DLG3: variants seen among roughly 807,000 people sequenced by gnomAD.
DLG3 encodes discs large MAGUK scaffold protein 3.
DLG3 carries 1 observed loss-of-function variant against 64.1 expected under a neutral mutation model. The ratio of observed to expected loss-of-function variants is 0.02; its 90% CI spans 0.01 to 0.07. DLG3 has a LOEUF of 0.07. Ranked by LOEUF, DLG3 falls within the 10% of genes least tolerant of loss-of-function variation. The pLI is 1.00. For missense variants in DLG3, 429 were observed against 669.5 expected (o/e 0.64, Z 3.96); for synonymous variants, 245 against 259.8 (o/e 0.94, Z 0.55).
chrX:70,500,707 C>T (rs1034275826), intron 17 of DLG3, 127 bp downstream of exon 17: 18 of 698,843 alleles, frequency 2.6e-5, no homozygotes, highest in Admixed American at 5.2e-5. Flanking sequence ...GGTCACTGGG[C>T]GCTCCTGTTT....
chrX:70,453,112 G>A (rs998507538), intron 7 of DLG3: 16 of 180,769 alleles, frequency 8.9e-5, no homozygotes, highest in African/African-American at 3.6e-4. Context: ...GATTAAATAT[G>A]TTGTTGGGGC....
At position 70,445,510 on chromosome X, in the gene DLG3, C is replaced by A; in HGVS notation, c.309C>A (p.Pro103=). ...KSTPKLNGSG[P]SWWPECTCTN... The stretch of plus-strand genomic sequence containing the variant: ...CCCCCAAACTCAACGGCAGCGGCCC[C>A]AGCTGGTGGCCAGAGTGCACCTGTA... Residue 103 remains proline, a synonymous_variant, in exon 1 of 19, where the codon CCC becomes CCA. Transcript: ENST00000374360. 8.4e-7 allele frequency: 1 copy of A among 1,191,391 alleles called. No homozygotes were observed. The highest frequency in any genetic ancestry group is 1.7e-5 in the African/African-American group (1 of 57,499).
In DLG3 at chrX:70,445,212, A is replaced by C; in HGVS notation, c.11A>C (p.His4Pro). Reference protein sequence around the residue: MHKHQHCCKCPECY... With the variant: MHKPQHCCKCPECY... ...GCGGGGGGCAGTGCCATGCACAAGC[A>C]CCAGCACTGCTGTAAGTGCCCTGAG... The change falls in exon 1 of 19, where the codon CAC becomes CCC. Residue 4 changes from histidine to proline, a missense_variant. Coordinates refer to ENST00000374360, the MANE Select transcript of DLG3 (RefSeq NM_021120.4). The C allele has an allele frequency of 8.6e-7, 1 of 1,158,441 alleles. No homozygotes were observed. Among genetic ancestry groups the C allele is most frequent in the Non-Finnish European group, 1.2e-6 (1 of 869,349 alleles).
intron 10 of DLG3, 54 bp from the exon 11 acceptor site, chrX:70,492,053 G>A (rs1286993028): frequency 6.2e-6 from 7 of 1,135,389 alleles, no homozygotes; most frequent in Non-Finnish European, 8.3e-6. Context: ...CAAGGTGCCA[G>A]TGTCTTGGCA....
intron 15 of DLG3, 54 bp from the exon 16 acceptor site, chrX:70,499,823 G>A: frequency 8.6e-6 from 10 of 1,158,304 alleles, no homozygotes; most frequent in Non-Finnish European, 1.2e-5. Flanking sequence ...GTATTTTTTG[G>A]TTTGGGGCGG....
In DLG3 at chrX:70,503,835, T is replaced by G. The variant is rs1569300223; in HGVS notation, c.*1566T>G. 1 of 108,124 alleles carries G rather than the reference T, an allele frequency of 9.2e-6. No homozygotes were observed. Among genetic ancestry groups the G allele is most frequent in the African/African-American group, 3.4e-5 (1 of 29,504 alleles). The allele number at this position is 108,124 out of a possible 1,213,427, so 8.9% of individuals were successfully genotyped here. A position where few individuals can be genotyped will look rare whatever the true frequency, so the allele number is the denominator to read the frequency against. The stretch of plus-strand genomic sequence containing the variant: ...GTGCAGGCAGCAGGTGTGGTTCAGG[T>G]CCCCCCCCACCCCACTGTGCTCCTT... On this transcript the variant is annotated 3_prime_UTR_variant, in exon 19 of 19. Transcript: ENST00000374360.
chrX:70,456,167 T>A (rs915746906), intron 9 of DLG3: 1 of 112,705 alleles, frequency 8.9e-6, no homozygotes, highest in Admixed American at 9.4e-5. Context: ...GGTTTTCAGC[T>A]TACTGATCAG....
Position 70,495,279 on chromosome X carries a change from C to G in DLG3, c.1774-129C>G, listed in dbSNP as rs770173802. On this transcript the variant is annotated intron_variant, in intron 12 of 18. Transcript: ENST00000374360. ...ACCTACCTCTGTATTCTTCCTCCCC[C>G]CTTGTCTTTTTCTCTATTTTTTCTC... 1.4e-5 allele frequency: 8 copies of G among 586,552 alleles called. No homozygotes were observed. The South Asian group carries it at 1.7e-4, about 12-fold the overall frequency. The allele number at this position is 586,552 out of a possible 1,213,427, so 48.3% of individuals were successfully genotyped here.
intron 9 of DLG3, among the ~76,000 whole-genome samples, chrX:70,455,466 C>T (rs1250979058): frequency 9.1e-6 from 1 of 110,495 alleles, no homozygotes; most frequent in East Asian, 2.9e-4. Flanking sequence ...CCCCCTCACC[C>T]TACACTGGGC....
chrX:70,474,514 GA>G (rs1189497314), intron 9 of DLG3, among the ~76,000 whole-genome samples: 1 of 109,699 alleles, frequency 9.1e-6, no homozygotes, highest in African/African-American at 3.3e-5. Flanking sequence ...TTGGCATGAG[GA>G]AAAAAAAGGC....
Position 70,498,664 on chromosome X carries a change from G to A in DLG3, c.1870+94G>A, listed in dbSNP as rs1269570032. On this transcript the variant is annotated intron_variant, in intron 14 of 18. Transcript: ENST00000374360. ...CTGTGGCAGCAGAGGGAGGGACCTG[G>A]AGGAGGAGGAAGGCTTGACTCATGG... 6 of 822,067 alleles carry A rather than the reference G, an allele frequency of 7.3e-6. No homozygotes were observed. The African/African-American group carries it at 1.1e-4, about 16-fold the overall frequency. The allele number at this position is 822,067 out of a possible 1,213,427, so 67.7% of individuals were successfully genotyped here.
chrX:70,452,675 C>T (rs1255512751), intron 7 of DLG3: 3 of 1,201,058 alleles, frequency 2.5e-6, no homozygotes, highest in Non-Finnish European at 3.4e-6. Flanking sequence ...GCTTGGGCTC[C>T]GCCTCCGCTT....
chrX:70,447,183 G>C (rs1488055353), intron 1 of DLG3, among the ~76,000 whole-genome samples: 1 of 111,136 alleles, frequency 9.0e-6, no homozygotes, highest in Non-Finnish European at 1.9e-5. Context: ...CTGGCCCTGA[G>C]AACAAGGTCC....
chrX:70,449,011 G>A (rs1260845739), intron 2 of DLG3, 48 bp downstream of exon 2: 1 of 1,165,697 alleles, frequency 8.6e-7, no homozygotes, highest in South Asian at 1.9e-5. Context: ...GAGGGTTGGA[G>A]CCAGGATAAG....
chrX:70,458,699 T>C (rs970903777), intron 9 of DLG3, among the ~76,000 whole-genome samples: 1 of 112,631 alleles, frequency 8.9e-6, no homozygotes, highest in African/African-American at 3.2e-5. Context: ...ATGGGTGCTT[T>C]ACAGGTGTTT....
At chrX:70,447,965 T>C (rs62609681) in intron 1 of DLG3, among the ~76,000 whole-genome samples, 19,044 of 111,407 alleles carry the variant, frequency 0.17, 1,437 homozygotes, top group Non-Finnish European at 0.22. Context: ...CACCAACTTC[T>C]CCCTCATGGG....
At chrX:70,474,198 T>C (rs2087015931) in intron 9 of DLG3, among the ~76,000 whole-genome samples, 1 of 112,046 alleles carries the variant, frequency 8.9e-6, no homozygotes, top group Non-Finnish European at 1.9e-5. Context: ...TGAGTCGTTA[T>C]AGATACTTGG....
In DLG3 at chrX:70,505,431, CTG is replaced by C. The variant is rs2087635266; in HGVS notation, c.*3164_*3165del. On this transcript the variant is annotated 3_prime_UTR_variant, in exon 19 of 19. Coordinates refer to ENST00000374360, the MANE Select transcript of DLG3 (RefSeq NM_021120.4). ...TCCTTCATCTCTAACAGAGGAAGAA[CTG>C]TATTATCAAACCTTATGGTCTACCC... The C allele has an allele frequency of 8.9e-6, 1 of 112,302 alleles. No individual in the cohort carries two copies. The highest frequency in any genetic ancestry group is 1.9e-5 in the Non-Finnish European group (1 of 53,303). 9.3% of individuals were successfully genotyped at this position (112,302 alleles called of 1,213,427 possible).
At chrX:70,451,767 CT>C (rs2086621025) in intron 6 of DLG3, 99 bp from the exon 7 acceptor site, 1 of 1,031,227 alleles carries the variant, frequency 9.7e-7, no homozygotes, top group Non-Finnish European at 1.3e-6. Context: ...CCCTTGGTCT[CT>C]TTTGCATCTG....
Sources: gnomAD v4.1 joint callset for allele counts (sites outside exome capture counted in the v4.1 genomes callset) on GRCh38, gnomAD v4.1.1 for gene constraint, MANE v1.5 for transcripts, NCBI Gene and HGNC (gene_info 2026-07-23, HGNC 2026-07-21) for gene names.